Variants in EPHB1 observed in about 807,000 individuals in gnomAD.
The protein encoded by EPHB1 is EPH receptor B1.
EPHB1 carries 30 observed loss-of-function variants against 94.4 expected under a neutral mutation model. The observed-to-expected ratio is 0.32, with a 90% CI of 0.24 to 0.43. The LOEUF (loss-of-function observed/expected upper bound fraction) is 0.43, where lower values mean the gene tolerates loss of function less well. Ranked by LOEUF, EPHB1 falls within the 20% of genes least tolerant of loss-of-function variation. The pLI is 1.00. For missense variants in EPHB1, 1,055 were observed against 1,308.3 expected (o/e 0.81, Z 2.99); for synonymous variants, 522 against 489.1 (o/e 1.07, Z -0.89).
chr3:135,031,203 G>T (rs1400524338), intron 3 of EPHB1, among the ~76,000 whole-genome samples: 1 of 152,230 alleles, frequency 6.6e-6, no homozygotes, highest in African/African-American at 2.4e-5. Context: ...CAGGCTGAGA[G>T]CTGTAGACTG....
At chr3:135,009,455 T>A (rs1935545783) in intron 3 of EPHB1, among the ~76,000 whole-genome samples, 3 of 152,172 alleles carry the variant, frequency 2.0e-5, no homozygotes, top group Non-Finnish European at 1.5e-5. Flanking sequence ...AGATGATGTA[T>A]CCTGTATCTT....
At chr3:134,861,211 GA>G (rs1344345231) in intron 1 of EPHB1, among the ~76,000 whole-genome samples, 2 of 152,150 alleles carry the variant, frequency 1.3e-5, no homozygotes, top group Non-Finnish European at 2.9e-5. Context: ...TGGGGGGCAG[GA>G]AATATGAAGA....
At chr3:134,809,685 A>C (rs959320765) in intron 1 of EPHB1, among the ~76,000 whole-genome samples, 2 of 152,164 alleles carry the variant, frequency 1.3e-5, no homozygotes, top group Non-Finnish European at 2.9e-5. Context: ...CCTAGACATG[A>C]AGCACATTTA....
rs10664147 is a variant in EPHB1, at chr3:134,973,425, CT to C, written c.805+21396del. ...AAGCACTCCTTGTCTGTCTTCTAGTCTTTTTTTTTTTTTTTTTTTTTTTGAG... is the reference window on the plus strand; with the variant it reads ...AAGCACTCCTTGTCTGTCTTCTAGTCTTTTTTTTTTTTTTTTTTTTTTGAG... On this transcript the variant is annotated intron_variant, in intron 3 of 15. Coordinates refer to ENST00000398015, the MANE Select transcript of EPHB1 (RefSeq NM_004441.5). 0.01 allele frequency among the ~76,000 whole-genome samples: 910 copies of C among 90,988 alleles called. 30 individuals carry two copies. In the East Asian group the frequency reaches 0.17, roughly 17 times the overall value. The allele number at this position is 90,988 out of a possible 152,430, so 59.7% of individuals were successfully genotyped here. A position where few individuals can be genotyped will look rare whatever the true frequency, so the allele number is the denominator to read the frequency against.
intron 10 of EPHB1, among the ~76,000 whole-genome samples, 176 bp downstream of exon 10, chr3:135,180,158 C>T (rs1282118796): frequency 6.6e-6 from 1 of 152,152 alleles, no homozygotes; most frequent in African/African-American, 2.4e-5. Flanking sequence ...AGAGAGAAAA[C>T]ATCACTTGGG....
At chr3:135,195,514 G>A (rs1318121277) in intron 11 of EPHB1, among the ~76,000 whole-genome samples, 1 of 150,390 alleles carries the variant, frequency 6.6e-6, no homozygotes, top group Non-Finnish European at 1.5e-5. Context: ...TCCCCAGAGT[G>A]TGATATTCCC....
At chr3:134,886,712 G>A (rs1329986214) in intron 1 of EPHB1, among the ~76,000 whole-genome samples, 1 of 152,040 alleles carries the variant, frequency 6.6e-6, no homozygotes, top group East Asian at 1.9e-4. Flanking sequence ...CAAACCTTTT[G>A]CATGTTTTAT....
rs560151857 is a variant in EPHB1, at chr3:134,808,337, G to A, written c.58+12648G>A. ...GCCAAACTCCATTACCAGGGTGATT[G>A]AAATACACTCATTGGCCAGGCTTGG... On this transcript the variant is annotated intron_variant, in intron 1 of 15. Coordinates refer to ENST00000398015, the MANE Select transcript of EPHB1 (RefSeq NM_004441.5). 4.8e-4 allele frequency among the ~76,000 whole-genome samples: 73 copies of A among 152,272 alleles called. 1 individual carries two copies. Among genetic ancestry groups the A allele is most frequent in the African/African-American group, 1.7e-3 (72 of 41,550 alleles).
chr3:134,850,257 CA>C (rs1288215062), intron 1 of EPHB1, among the ~76,000 whole-genome samples: 1 of 152,206 alleles, frequency 6.6e-6, no homozygotes, highest in Non-Finnish European at 1.5e-5. Flanking sequence ...TCATTTAAAA[CA>C]GCAGCTTTAA....
chr3:134,981,900 G>A (rs565472931), intron 3 of EPHB1, among the ~76,000 whole-genome samples: 10 of 152,304 alleles, frequency 6.6e-5, no homozygotes, highest in African/African-American at 2.2e-4. Flanking sequence ...TGATGGTGGA[G>A]CATAATAATT....
At chr3:135,028,060 C>T (rs1376165808) in intron 3 of EPHB1, among the ~76,000 whole-genome samples, 18 of 145,996 alleles carry the variant, frequency 1.2e-4, no homozygotes, top group Admixed American at 4.1e-4. Flanking sequence ...TCTGTGGGAT[C>T]GGTGGTGATA....
At chr3:135,130,509 G>C (rs1233505484) in intron 4 of EPHB1, among the ~76,000 whole-genome samples, 1 of 152,238 alleles carries the variant, frequency 6.6e-6, no homozygotes, top group African/African-American at 2.4e-5. Context: ...GTAAAGAAGA[G>C]AGGGTGTGCA....
At chr3:135,099,895 C>T (rs73862005) in intron 3 of EPHB1, among the ~76,000 whole-genome samples, 4,819 of 152,214 alleles carry the variant, frequency 0.032, 173 homozygotes, top group African/African-American at 0.088. Flanking sequence ...CTCTGGGCTG[C>T]GAACCTCCTT....
chr3:135,064,207 A>G (rs1937551698), intron 3 of EPHB1, among the ~76,000 whole-genome samples: 1 of 152,158 alleles, frequency 6.6e-6, no homozygotes, highest in Non-Finnish European at 1.5e-5. Context: ...TGCCAGTTTC[A>G]TAGAATGAAT....
At chr3:135,239,992 T>C (rs1943742474) in intron 12 of EPHB1, among the ~76,000 whole-genome samples, 1 of 152,146 alleles carries the variant, frequency 6.6e-6, no homozygotes. Flanking sequence ...AAAGAGGCAG[T>C]ACTGGTATCC....
chr3:134,855,255 C>A (rs1479688614), intron 1 of EPHB1, among the ~76,000 whole-genome samples: 2 of 152,166 alleles, frequency 1.3e-5, no homozygotes, highest in Admixed American at 6.5e-5. Context: ...TCCAGGCAGG[C>A]TTTGAAACCC....
intron 3 of EPHB1, among the ~76,000 whole-genome samples, chr3:134,954,592 G>C (rs531524471): frequency 2.6e-5 from 4 of 152,312 alleles, no homozygotes; most frequent in African/African-American, 9.6e-5. Flanking sequence ...GATGTCCTCT[G>C]AGCCTGGCTG....
chr3:135,114,064 C>T (rs538697789), intron 4 of EPHB1, among the ~76,000 whole-genome samples: 1 of 152,288 alleles, frequency 6.6e-6, no homozygotes, highest in Admixed American at 6.5e-5. Context: ...CACTAAACAG[C>T]CAGTGCTTTT....
At chr3:134,804,089 T>C (rs924151815) in intron 1 of EPHB1, among the ~76,000 whole-genome samples, 76 of 130,586 alleles carry the variant, frequency 5.8e-4, no homozygotes, top group African/African-American at 2.2e-3. Context: ...TTTTTTTTTT[T>C]TTTTTTTTTT....
Sources: allele counts gnomAD v4.1 joint callset (sites outside exome capture counted in the v4.1 genomes callset), GRCh38; gene constraint gnomAD v4.1.1; transcripts MANE v1.5; gene names NCBI Gene and HGNC (gene_info 2026-07-23, HGNC 2026-07-21).